Variants in ARFIP1 observed in about 807,000 individuals in gnomAD.
ARFIP1 encodes arfaptin-1.
A neutral mutation model predicts 42.5 loss-of-function variants in ARFIP1; 24 were observed. The observed-to-expected ratio is 0.57, with a 90% CI of 0.41 to 0.80. The LOEUF (loss-of-function observed/expected upper bound fraction) is 0.80. Ranked by LOEUF, ARFIP1 falls within the 30% of genes least tolerant of loss-of-function variation. The probability of loss-of-function intolerance (pLI) is 0.00; values close to 1 mark genes in which losing one functional copy is unlikely to be tolerated. For synonymous variants in ARFIP1, 141 were observed against 153.7 expected (o/e 0.92, Z 0.61); for missense variants, 354 against 434.0 (o/e 0.82, Z 1.64).
chr4:152,873,759 G>T (rs1023609006), intron 5 of ARFIP1, among the ~76,000 whole-genome samples: 1 of 152,000 alleles, frequency 6.6e-6, no homozygotes, highest in Non-Finnish European at 1.5e-5. Context: ...TAACCAATTC[G>T]CTAAGACTAC....
At chr4:152,853,986 C>T (rs1484118706) in intron 2 of ARFIP1, among the ~76,000 whole-genome samples, 1 of 139,004 alleles carries the variant, frequency 7.2e-6, no homozygotes, top group Non-Finnish European at 1.5e-5. Flanking sequence ...GATCTTGGCT[C>T]ACTGAAACCT....
In ARFIP1 at chr4:152,810,605, G is replaced by A. The variant is rs1464456934; in HGVS notation, c.-9-19020G>A. 7.3e-5 allele frequency among the ~76,000 whole-genome samples: 11 copies of A among 151,664 alleles called. 1 individual carries two copies. The highest frequency in any genetic ancestry group is 5.3e-4 in the Admixed American group (8 of 15,220). ...GGGTGGATCATGAGGTCAGGAGATC[G>A]AGACCATCCTGGCTAACATGGTGAA... On this transcript the variant is annotated intron_variant, in intron 1 of 8. Transcript: ENST00000353617.
chr4:152,891,534 G>A (rs1268316558), intron 8 of ARFIP1, among the ~76,000 whole-genome samples: 3 of 152,132 alleles, frequency 2.0e-5, no homozygotes, highest in South Asian at 2.1e-4. Flanking sequence ...GGAAGGAAAA[G>A]CAGGTTTTTA....
At position 152,869,436 on chromosome 4, in the gene ARFIP1, GTTTC is replaced by G. The variant is rs1291691886; in HGVS notation, c.203-1301_203-1298del. On this transcript the variant is annotated intron_variant, in intron 3 of 8. Transcript: ENST00000353617. Reference sequence around the variant, plus strand: ...TTAGCAACAATGTTGGGTAGTCAGTGTTTCTTTCTTTCTTTCTTTTTTTTTTTAA... The same window carrying G: ...TTAGCAACAATGTTGGGTAGTCAGTGTTTCTTTCTTTCTTTTTTTTTTTAA... Among the ~76,000 whole-genome samples, 8 of 150,248 alleles carry G rather than the reference GTTTC, an allele frequency of 5.3e-5. No homozygotes were observed. In the East Asian group the frequency reaches 1.4e-3, roughly 26 times the overall value.
At chr4:152,895,857 A>G (rs769685002) in intron 8 of ARFIP1, among the ~76,000 whole-genome samples, 2 of 152,108 alleles carry the variant, frequency 1.3e-5, no homozygotes, top group Admixed American at 6.6e-5. Context: ...CTGCCATGCC[A>G]GATCTTGTGG....
intron 1 of ARFIP1, among the ~76,000 whole-genome samples, chr4:152,798,613 T>A (rs556921916): frequency 5.6e-4 from 86 of 152,354 alleles, no homozygotes; most frequent in African/African-American, 1.9e-3. Flanking sequence ...ATTTTCTTAA[T>A]GTATTACATT....
chr4:152,859,573 T>A (rs1285808917), intron 2 of ARFIP1, among the ~76,000 whole-genome samples: 4 of 152,210 alleles, frequency 2.6e-5, no homozygotes, highest in Non-Finnish European at 5.9e-5. Flanking sequence ...TCAAATTCTC[T>A]TTAGCAGCCT....
chr4:152,781,356 C>T (rs1730485762), intron 1 of ARFIP1, among the ~76,000 whole-genome samples: 1 of 151,696 alleles, frequency 6.6e-6, no homozygotes, highest in African/African-American at 2.4e-5. Context: ...CTGTCTCAGC[C>T]TTCTGAGTAG....
At chr4:152,840,665 C>T (rs1731987346) in intron 2 of ARFIP1, among the ~76,000 whole-genome samples, 1 of 150,990 alleles carries the variant, frequency 6.6e-6, no homozygotes, top group East Asian at 1.9e-4. Context: ...CTCCTGAAGG[C>T]AGCAGATGGT....
chr4:152,815,738 CTTTTTTTT>C (rs1218298842), intron 1 of ARFIP1, among the ~76,000 whole-genome samples: 3 of 85,550 alleles, frequency 3.5e-5, no homozygotes, highest in African/African-American at 4.4e-5. Flanking sequence ...CTGACCACTT[CTTTTTTTT>C]TTTTTTTTTT....
chr4:152,781,489 G>A (rs1730495691), intron 1 of ARFIP1, among the ~76,000 whole-genome samples: 1 of 152,068 alleles, frequency 6.6e-6, no homozygotes, highest in Non-Finnish European at 1.5e-5. Flanking sequence ...CTCCCTCCTC[G>A]GCCTCCCAAA....
chr4:152,889,557 G>A (rs1207157125), intron 8 of ARFIP1, among the ~76,000 whole-genome samples: 3 of 121,358 alleles, frequency 2.5e-5, no homozygotes, highest in Non-Finnish European at 3.4e-5. Flanking sequence ...GTGTGTGTGT[G>A]TATATTTATG....
At chr4:152,820,687 AG>A (rs1299911846) in intron 1 of ARFIP1, among the ~76,000 whole-genome samples, 1 of 152,190 alleles carries the variant, frequency 6.6e-6, no homozygotes, top group Non-Finnish European at 1.5e-5. Flanking sequence ...AAGAACAGCA[AG>A]GGGGAAATCT....
At chr4:152,867,120 G>C (rs1363837858) in intron 3 of ARFIP1, among the ~76,000 whole-genome samples, 1 of 152,106 alleles carries the variant, frequency 6.6e-6, no homozygotes, top group South Asian at 2.1e-4. Flanking sequence ...CTGCAATCTC[G>C]GCACTTTGGG....
At chr4:152,799,072 C>T (rs550484855) in intron 1 of ARFIP1, among the ~76,000 whole-genome samples, 12 of 152,262 alleles carry the variant, frequency 7.9e-5, no homozygotes, top group African/African-American at 2.2e-4. Flanking sequence ...AATCAGTTGA[C>T]GCTCTGATCT....
intron 7 of ARFIP1, 146 bp downstream of exon 7, chr4:152,883,026 C>A: frequency 1.2e-6 from 1 of 807,186 alleles, no homozygotes; most frequent in Non-Finnish European, 1.9e-6. Context: ...CCTCTACAGA[C>A]CTGGCAGAAA....
At chr4:152,906,739 G>T (rs1403064408) in intron 8 of ARFIP1, among the ~76,000 whole-genome samples, 1 of 151,924 alleles carries the variant, frequency 6.6e-6, no homozygotes, top group African/African-American at 2.4e-5. Flanking sequence ...GATATCTAAG[G>T]GCCTGCACCA....
chr4:152,873,286 G>C (rs1735047639), intron 5 of ARFIP1, among the ~76,000 whole-genome samples: 1 of 152,160 alleles, frequency 6.6e-6, no homozygotes, highest in Non-Finnish European at 1.5e-5. Context: ...TGTGGGTCTA[G>C]TGATTGGTAA....
intron 2 of ARFIP1, among the ~76,000 whole-genome samples, chr4:152,861,461 A>G (rs1045403336): frequency 1.3e-5 from 2 of 152,018 alleles, no homozygotes; most frequent in African/African-American, 2.4e-5. Flanking sequence ...AAACTTAAGG[A>G]AAAAAAGGTA....
Sources: allele counts gnomAD v4.1 joint callset (sites outside exome capture counted in the v4.1 genomes callset), GRCh38; gene constraint gnomAD v4.1.1; transcripts MANE v1.5; gene names NCBI Gene and HGNC (gene_info 2026-07-23, HGNC 2026-07-21).